The following MARCHF7 variants were observed in gnomAD, a reference collection of about 807,000 sequenced individuals.
MARCHF7 encodes the protein E3 ubiquitin-protein ligase MARCHF7.
MARCHF7 carries 20 observed loss-of-function variants against 76.5 expected under a neutral mutation model. The observed-to-expected ratio is 0.26, with a 90% CI of 0.18 to 0.38. MARCHF7 has a LOEUF of 0.38. MARCHF7 is among the 10% of genes least tolerant of loss of function. MARCHF7 has a pLI of 1.00. For missense variants in MARCHF7, 797 were observed against 812.9 expected (o/e 0.98, Z 0.24); for synonymous variants, 295 against 293.0 (o/e 1.01, Z -0.07).
chr2:159,736,615 A>C (rs1703486476), intron 4 of MARCHF7, among the ~76,000 whole-genome samples: 1 of 152,206 alleles, frequency 6.6e-6, no homozygotes, highest in African/African-American at 2.4e-5. Context: ...AAATATTTTA[A>C]AACCTTAGAA....
At chr2:159,717,347 A>G (rs529368358) in intron 3 of MARCHF7, among the ~76,000 whole-genome samples, 2 of 152,340 alleles carry the variant, frequency 1.3e-5, no homozygotes, top group South Asian at 4.1e-4. Context: ...AGACCACTAT[A>G]AGAATAGATA....
chr2:159,751,728 C>T (rs1207001349), intron 7 of MARCHF7, among the ~76,000 whole-genome samples: 1 of 152,152 alleles, frequency 6.6e-6, no homozygotes, highest in East Asian at 1.9e-4. Flanking sequence ...AAAACTATTA[C>T]TCTGCATTTA....
chr2:159,734,653 A>G (rs765943300), intron 4 of MARCHF7, among the ~76,000 whole-genome samples: 22 of 152,062 alleles, frequency 1.4e-4, no homozygotes, highest in Admixed American at 5.9e-4. Flanking sequence ...GGAAAACACA[A>G]CTAGCTCTAT....
rs988949456 is a variant in MARCHF7 at position 159,768,646 on chromosome 2, A to G, written c.*1304A>G. The stretch of plus-strand genomic sequence containing the variant: ...ATCAGACTTCATAACCAAGAATTTT[A>G]TTACAATTTCAAATCTCATTTTAAG... On this transcript the variant is annotated 3_prime_UTR_variant, in exon 12 of 12. Coordinates refer to ENST00000409175, the MANE Select transcript of MARCHF7 (RefSeq NM_001282805.2). 1.3e-4 allele frequency: 20 copies of G among 152,732 alleles called. No homozygotes were observed. The highest frequency in any genetic ancestry group is 4.6e-4 in the African/African-American group (19 of 41,580). 9.5% of individuals were successfully genotyped at this position (152,732 alleles called of 1,614,324 possible).
chr2:159,764,802 G>C, intron 11 of MARCHF7, 128 bp downstream of exon 11: 1 of 499,418 alleles, frequency 2.0e-6, no homozygotes, highest in Non-Finnish European at 3.4e-6. Flanking sequence ...ATACCAAAAT[G>C]ATTGATTTGG....
intron 3 of MARCHF7, among the ~76,000 whole-genome samples, chr2:159,724,391 C>A (rs1701946469): frequency 6.6e-6 from 1 of 152,014 alleles, no homozygotes; most frequent in Middle Eastern, 3.2e-3. Context: ...TAGTCTTGAG[C>A]CCTTTCAATT....
At chr2:159,725,044 G>C (rs1265695432) in intron 3 of MARCHF7, among the ~76,000 whole-genome samples, 1 of 152,164 alleles carries the variant, frequency 6.6e-6, no homozygotes, top group Non-Finnish European at 1.5e-5. Context: ...AGTATTCCAT[G>C]GTGTATATGT....
At chr2:159,740,798 A>G (rs935984825) in intron 4 of MARCHF7, among the ~76,000 whole-genome samples, 13 of 152,274 alleles carry the variant, frequency 8.5e-5, no homozygotes, top group Middle Eastern at 3.4e-3. Context: ...TCAGCCTCAC[A>G]CCTTCTACTT....
At chr2:159,764,745 G>GTA (rs1282261000) in intron 11 of MARCHF7, 71 bp downstream of exon 11, 91 of 1,207,592 alleles carry the variant, frequency 7.5e-5, no homozygotes, top group South Asian at 1.3e-4. Flanking sequence ...CAAAACCTAA[G>GTA]TATATACTCT....
rs1366747360 is a variant in MARCHF7 at position 159,770,467 on chromosome 2, A to G, written c.*3125A>G. 1 of 152,224 alleles carries G rather than the reference A, an allele frequency of 6.6e-6. No homozygotes were observed. The highest frequency in any genetic ancestry group is 1.5e-5 in the Non-Finnish European group (1 of 68,034). 9.4% of individuals were successfully genotyped at this position (152,224 alleles called of 1,614,324 possible). A position where few individuals can be genotyped will look rare whatever the true frequency, so the allele number is the denominator to read the frequency against. ...TGTGGTCAATAAAAAGAGACTACAC[A>G]AGCTGGAACTTTGTTGCCATTAGTC... On this transcript the variant is annotated 3_prime_UTR_variant, in exon 12 of 12. Coordinates refer to ENST00000409175, the MANE Select transcript of MARCHF7 (RefSeq NM_001282805.2).
intron 3 of MARCHF7, among the ~76,000 whole-genome samples, chr2:159,716,033 A>G (rs1329556835): frequency 1.3e-5 from 2 of 152,238 alleles, no homozygotes; most frequent in East Asian, 3.9e-4. Flanking sequence ...CATCATAGTC[A>G]TATTTTCTCA....
At chr2:159,749,178 A>G (rs957122479) in intron 7 of MARCHF7, among the ~76,000 whole-genome samples, 2 of 151,774 alleles carry the variant, frequency 1.3e-5, no homozygotes, top group Non-Finnish European at 2.9e-5. Flanking sequence ...GGGTTTCACC[A>G]TGTTGGTCAG....
intron 11 of MARCHF7, 40 bp from the exon 12 acceptor site, chr2:159,767,244 C>T: frequency 6.8e-7 from 1 of 1,464,144 alleles, no homozygotes; most frequent in Non-Finnish European, 9.5e-7. Flanking sequence ...TTCTTATCCC[C>T]CTTAAAATCA....
In MARCHF7 at chr2:159,729,157, A is replaced by G. The variant is rs368010190; in HGVS notation, c.135A>G (p.Arg45=). The G allele has an allele frequency of 1.3e-5, 20 of 1,599,802 alleles. No homozygotes were observed. The African/African-American group carries it at 1.5e-4, about 12-fold the overall frequency. The change falls in exon 4 of 12, where the codon AGA becomes AGG. Residue 45 remains arginine (R), a synonymous_variant. Coordinates refer to ENST00000409175, the MANE Select transcript of MARCHF7 (RefSeq NM_001282805.2). The part of the protein sequence containing the change: ...DTYHSRDSSF[R]LDSEYQSTSA... ...ATCACTCAAGAGACTCTTCATTTAG[A>G]TTGGATTCTGAATATCAGGTAACAT... is the stretch of plus-strand genomic sequence containing the variant.
At chr2:159,737,780 C>A (rs985852088) in intron 4 of MARCHF7, among the ~76,000 whole-genome samples, 5 of 152,046 alleles carry the variant, frequency 3.3e-5, no homozygotes, top group African/African-American at 9.7e-5. Flanking sequence ...AGAGCTGAGA[C>A]CCTGTCTCAA....
chr2:159,742,998 G>C, intron 4 of MARCHF7, 63 bp from the exon 5 acceptor site: 1 of 1,378,330 alleles, frequency 7.3e-7, no homozygotes, highest in Non-Finnish European at 1.0e-6. Context: ...TTAGAGGACT[G>C]TGGGTTAAAT....
At chr2:159,753,675 T>A (rs1403411996) in intron 8 of MARCHF7, among the ~76,000 whole-genome samples, 1 of 152,232 alleles carries the variant, frequency 6.6e-6, no homozygotes, top group Admixed American at 6.5e-5. Flanking sequence ...TGAAATGATC[T>A]TATTAATATT....
intron 4 of MARCHF7, chr2:159,733,583 A>T (rs1703084442): frequency 1.0e-6 from 1 of 983,988 alleles, no homozygotes; most frequent in Admixed American, 6.2e-5. Flanking sequence ...GAGGCTTTTT[A>T]ACTCACAACT....
chr2:159,724,835 C>T (rs1341148308), intron 3 of MARCHF7, among the ~76,000 whole-genome samples: 3 of 152,288 alleles, frequency 2.0e-5, no homozygotes, highest in African/African-American at 2.4e-5. Context: ...TTCCCCCTCC[C>T]CCTACCCTAA....
Sources: gnomAD v4.1 joint callset for allele counts (sites outside exome capture counted in the v4.1 genomes callset) on GRCh38, gnomAD v4.1.1 for gene constraint, MANE v1.5 for transcripts, NCBI Gene and HGNC (gene_info 2026-07-23, HGNC 2026-07-21) for gene names.